The following DENND1A variants were observed in gnomAD, a reference collection of about 807,000 sequenced individuals.
DENND1A encodes DENN domain containing 1A, also known as DENN domain-containing protein 1A.
In DENND1A, 51 loss-of-function variants were observed where a neutral mutation model predicts 113.7. The ratio of observed to expected loss-of-function variants is 0.45; its 90% CI spans 0.36 to 0.57. DENND1A has a LOEUF of 0.57. Ranked by LOEUF, DENND1A falls within the 20% of genes least tolerant of loss-of-function variation. DENND1A has a pLI of 0.00. For missense variants in DENND1A, 1,258 were observed against 1,395.9 expected, an observed-to-expected ratio of 0.90 and a Z score of 1.57; for synonymous variants, 565 against 570.8, an observed-to-expected ratio of 0.99 and a Z score of 0.14.
rs1216739584 is a variant in DENND1A at position 123,514,084 on chromosome 9, GTGTGTGTGTGTGTATGTGTGTGTGTC to G, written c.993+43460_993+43485del. On this transcript the variant is annotated intron_variant, in intron 13 of 23. Coordinates refer to ENST00000394215, the MANE Select transcript of DENND1A (RefSeq NM_001352964.2). ...TTTTGAGGTGTGTGTGTGTGTGTGT[GTGTGTGTGTGTGTATGTGTGTGTGTC>G]TGTGTGTGTGTCCATGACACCCAGC... Among the ~76,000 whole-genome samples, 11 of 77,764 alleles carry G rather than the reference GTGTGTGTGTGTGTATGTGTGTGTGTC, an allele frequency of 1.4e-4. No homozygotes were observed. The South Asian group carries it at 1.6e-3, about 11-fold the overall frequency. 51.0% of individuals were successfully genotyped at this position (77,764 alleles called of 152,430 possible).
At position 123,603,684 on chromosome 9, in the gene DENND1A, T is replaced by C. The variant is rs571223786; in HGVS notation, c.765+5752A>G. Reference sequence around the variant, plus strand: ...GCACCTACTGCCTTGAACTACCACATAGTACATAAAATACATTCATACCCT... The same window carrying C: ...GCACCTACTGCCTTGAACTACCACACAGTACATAAAATACATTCATACCCT... On this transcript the variant is annotated intron_variant, in intron 11 of 23. Transcript: ENST00000394215. Among the ~76,000 whole-genome samples the C allele has an allele frequency of 7.9e-5, 12 of 152,298 alleles. No individual in the cohort carries two copies. In the East Asian group the frequency reaches 1.5e-3, roughly 20 times the overall value.
At chr9:123,480,244 T>C (rs532963951) in intron 13 of DENND1A, among the ~76,000 whole-genome samples, 1 of 152,250 alleles carries the variant, frequency 6.6e-6, no homozygotes, top group Non-Finnish European at 1.5e-5. Context: ...CAACCCTGTG[T>C]CTCGACACTC....
At chr9:123,603,571 A>C (rs2060023238) in intron 11 of DENND1A, among the ~76,000 whole-genome samples, 1 of 152,148 alleles carries the variant, frequency 6.6e-6, no homozygotes, top group Non-Finnish European at 1.5e-5. Context: ...GGAGCTCCCC[A>C]TGCACCCATC....
intron 13 of DENND1A, among the ~76,000 whole-genome samples, chr9:123,525,017 C>T (rs2054703276): frequency 6.6e-6 from 1 of 152,196 alleles, no homozygotes; most frequent in Non-Finnish European, 1.5e-5. Context: ...ATCGCTAAGG[C>T]GTTCCATAGC....
intron 7 of DENND1A, among the ~76,000 whole-genome samples, chr9:123,670,832 T>C (rs929650166): frequency 3.9e-5 from 6 of 152,144 alleles, no homozygotes; most frequent in African/African-American, 1.2e-4. Flanking sequence ...GGAAATAAAA[T>C]CAGAGTTGAG....
chr9:123,710,901 G>T (rs956571313), intron 5 of DENND1A, among the ~76,000 whole-genome samples: 2 of 152,044 alleles, frequency 1.3e-5, no homozygotes, highest in African/African-American at 4.8e-5. Flanking sequence ...TCAAACCCCT[G>T]ATCTCACATG....
At chr9:123,688,082 C>T (rs766823864) in intron 5 of DENND1A, among the ~76,000 whole-genome samples, 15 of 152,180 alleles carry the variant, frequency 9.9e-5, no homozygotes, top group African/African-American at 3.4e-4. Flanking sequence ...TTACCAAATG[C>T]CAGGAGCATT....
chr9:123,505,828 C>T (rs1250060445), intron 13 of DENND1A, among the ~76,000 whole-genome samples: 3 of 152,006 alleles, frequency 2.0e-5, no homozygotes, highest in Non-Finnish European at 1.5e-5. Context: ...TTTAAAGGTC[C>T]CCCAGCGACA....
intron 21 of DENND1A, among the ~76,000 whole-genome samples, chr9:123,393,928 G>A (rs2042981948): frequency 6.6e-6 from 1 of 152,152 alleles, no homozygotes; most frequent in Non-Finnish European, 1.5e-5. Flanking sequence ...GGAGGACAAT[G>A]GTGGGGGCGT....
At chr9:123,427,366 C>A (rs566318883) in intron 19 of DENND1A, among the ~76,000 whole-genome samples, 1 of 152,326 alleles carries the variant, frequency 6.6e-6, no homozygotes, top group East Asian at 1.9e-4. Flanking sequence ...AGCTTCTACC[C>A]TTCTCCTCTC....
chr9:123,827,028 T>TA (rs778893891), intron 2 of DENND1A, among the ~76,000 whole-genome samples: 24 of 152,066 alleles, frequency 1.6e-4, no homozygotes, highest in East Asian at 1.5e-3. Context: ...GTAGAGAGCT[T>TA]AAAAAAAATC....
intron 2 of DENND1A, among the ~76,000 whole-genome samples, chr9:123,828,285 G>C (rs1590254812): frequency 6.6e-6 from 1 of 152,034 alleles, no homozygotes; most frequent in Admixed American, 6.6e-5. Context: ...GTGGACAATA[G>C]ATTAGTTGAA....
intron 10 of DENND1A, among the ~76,000 whole-genome samples, chr9:123,614,962 A>T (rs1212715563): frequency 6.6e-6 from 1 of 152,246 alleles, no homozygotes; most frequent in African/African-American, 2.4e-5. Flanking sequence ...TTCTGCTCGA[A>T]ATAATGAGCC....
At chr9:123,776,315 C>G (rs529527705) in intron 3 of DENND1A, among the ~76,000 whole-genome samples, 1 of 152,252 alleles carries the variant, frequency 6.6e-6, no homozygotes, top group East Asian at 1.9e-4. Flanking sequence ...ACGCATACAA[C>G]TGGTAGAGTT....
intron 13 of DENND1A, among the ~76,000 whole-genome samples, chr9:123,497,924 C>T (rs1208119723): frequency 2.0e-5 from 3 of 151,866 alleles, no homozygotes; most frequent in Admixed American, 1.3e-4. Context: ...GGAGCAGTTA[C>T]TTCATCAACC....
At chr9:123,523,540 A>C (rs927582265) in intron 13 of DENND1A, among the ~76,000 whole-genome samples, 11 of 152,226 alleles carry the variant, frequency 7.2e-5, no homozygotes, top group Admixed American at 5.9e-4. Flanking sequence ...CAGGTGAAAA[A>C]GTTCACAGCT....
chr9:123,508,448 T>C (rs1281564216), intron 13 of DENND1A, among the ~76,000 whole-genome samples: 1 of 152,246 alleles, frequency 6.6e-6, no homozygotes, highest in Non-Finnish European at 1.5e-5. Flanking sequence ...TTCTAGAAAC[T>C]GTAATAAAAT....
In DENND1A at chr9:123,381,351, G is replaced by A. The variant is rs1048113736; in HGVS notation, c.*81C>T. The stretch of plus-strand genomic sequence containing the variant: ...CCCACCAGCAGAACCTGGGCAGAGA[G>A]AGAGTGGCGGGGGAGCCTCGGAACC... On this transcript the variant is annotated 3_prime_UTR_variant, in exon 24 of 24. Coordinates refer to ENST00000394215, the MANE Select transcript of DENND1A (RefSeq NM_001352964.2). The surrounding 1 kb of genome is among the most constrained non-coding windows in gnomAD (Gnocchi z 4.7). 22 of 1,375,512 alleles carry A rather than the reference G, an allele frequency of 1.6e-5. No individual in the cohort carries two copies. In the African/African-American group the frequency reaches 2.8e-4, roughly 18 times the overall value. 85.2% of individuals were successfully genotyped at this position (1,375,512 alleles called of 1,614,324 possible).
intron 12 of DENND1A, among the ~76,000 whole-genome samples, chr9:123,581,917 T>C (rs2058918494): frequency 6.6e-6 from 1 of 152,198 alleles, no homozygotes. Context: ...CAATCCTCAC[T>C]GGCATGGACA....
Sources: gnomAD v4.1 joint callset for allele counts (sites outside exome capture counted in the v4.1 genomes callset) on GRCh38, gnomAD v4.1.1 for gene constraint, Gnocchi (gnomAD v3.1) non-coding constraint, MANE v1.5 for transcripts, NCBI Gene and HGNC (gene_info 2026-07-23, HGNC 2026-07-21) for gene names.